The following UBA2 variants were observed in gnomAD, a reference collection of about 807,000 sequenced individuals.
UBA2 encodes the protein ubiquitin like modifier activating enzyme 2.
In UBA2, 11 loss-of-function variants were observed where a neutral mutation model predicts 77.2. The ratio of observed to expected loss-of-function variants is 0.14; its 90% CI spans 0.09 to 0.24. UBA2 has a LOEUF of 0.24. Among genes scored for constraint, UBA2 ranks in the 10% least tolerant of loss-of-function variants. UBA2 has a pLI of 1.00. For missense variants in UBA2, 487 were observed against 781.7 expected, an observed-to-expected ratio of 0.62 and a Z score of 4.50; for synonymous variants, 278 against 276.7, an observed-to-expected ratio of 1.00 and a Z score of -0.05.
In UBA2 at chr19:34,462,511, A is replaced by G. The variant is rs376604349; in HGVS notation, c.1499-1515A>G. Among the ~76,000 whole-genome samples, 7 of 152,334 alleles carry G rather than the reference A, an allele frequency of 4.6e-5. No homozygotes were observed. The South Asian group carries it at 6.2e-4, about 14-fold the overall frequency. ...CCAAGGGCATTCCTGGTAGATTAAA[A>G]TGGTAAAGCAAGCAACAGATCTGGA... is the stretch of plus-strand genomic sequence containing the variant. On this transcript the variant is annotated intron_variant, in intron 14 of 16. Coordinates refer to ENST00000246548, the MANE Select transcript of UBA2 (RefSeq NM_005499.3).
At chr19:34,428,617 G>T in intron 1 of UBA2, 47 bp downstream of exon 1, 1 of 1,293,630 alleles carries the variant, frequency 7.7e-7, no homozygotes. Context: ...TGGTGCGGGG[G>T]CTGGGATTCG....
At position 34,450,133 on chromosome 19, in the gene UBA2, G is replaced by A; in HGVS notation, c.772-132G>A. 5.0e-6 allele frequency: 3 copies of A among 596,124 alleles called. No individual in the cohort carries two copies. The South Asian group carries it at 5.9e-5, about 12-fold the overall frequency. 36.9% of individuals were successfully genotyped at this position (596,124 alleles called of 1,614,324 possible). A position where few individuals can be genotyped will look rare whatever the true frequency, so the allele number is the denominator to read the frequency against. On this transcript the variant is annotated intron_variant, in intron 8 of 16. Coordinates refer to ENST00000246548, the MANE Select transcript of UBA2 (RefSeq NM_005499.3). ...ACAAATGTTTTTCCTTTTGAAAATT[G>A]TTATGCTGCTGGTATATGACATGTA...
At chr19:34,443,729 T>A (rs746513470) in intron 6 of UBA2, 115 bp from the exon 7 acceptor site, 17 of 739,002 alleles carry the variant, frequency 2.3e-5, no homozygotes, top group African/African-American at 3.5e-5. Flanking sequence ...TGTGAGCCAC[T>A]GCGCCCAGCC....
At chr19:34,464,485 G>C (rs998909363) in intron 15 of UBA2, among the ~76,000 whole-genome samples, 4 of 151,742 alleles carry the variant, frequency 2.6e-5, no homozygotes, top group South Asian at 2.1e-4. Context: ...TTGAACCCGA[G>C]AGGTGGAGGT....
chr19:34,465,955 G>GCTT (rs2075682987), intron 15 of UBA2, among the ~76,000 whole-genome samples: 2 of 152,148 alleles, frequency 1.3e-5, no homozygotes, highest in Admixed American at 1.3e-4. Context: ...GGGAGTTCAT[G>GCTT]TACAGAAGCA....
intron 1 of UBA2, chr19:34,429,212 TCA>T: frequency 2.0e-6 from 2 of 985,402 alleles, no homozygotes; most frequent in Non-Finnish European, 1.2e-6. Context: ...GTCATTGCTC[TCA>T]CAGTAGACGG....
intron 15 of UBA2, among the ~76,000 whole-genome samples, chr19:34,465,906 G>C (rs532721687): frequency 1.3e-5 from 2 of 152,034 alleles, no homozygotes. Context: ...CCCTTAAAAC[G>C]TGTGTCTTTT....
At chr19:34,433,148 G>A (rs1260654037) in intron 3 of UBA2, 200 bp from the exon 4 acceptor site, 1 of 501,248 alleles carries the variant, frequency 2.0e-6, no homozygotes, top group Non-Finnish European at 3.5e-6. Flanking sequence ...TGGCCAAAAA[G>A]GATAGGAATT....
At chr19:34,450,428 A>G (rs1313057895) in intron 9 of UBA2, 64 bp downstream of exon 9, 12 of 1,150,538 alleles carry the variant, frequency 1.0e-5, no homozygotes, top group Admixed American at 2.6e-5. Flanking sequence ...AAGTCTTTGT[A>G]TAGCCCTGTT....
chr19:34,450,729 T>C (rs918245742), intron 9 of UBA2, among the ~76,000 whole-genome samples: 2 of 150,522 alleles, frequency 1.3e-5, no homozygotes, highest in Admixed American at 6.6e-5. Context: ...AATTGCTATA[T>C]ATTTATGTAT....
chr19:34,439,156 C>T (rs896991464), intron 6 of UBA2, among the ~76,000 whole-genome samples: 8 of 149,220 alleles, frequency 5.4e-5, no homozygotes, highest in East Asian at 4.0e-4. Context: ...TGGAGTGAGC[C>T]GAGATCGCGC....
At chr19:34,434,031 C>T (rs968801011) in intron 4 of UBA2, among the ~76,000 whole-genome samples, 3 of 151,246 alleles carry the variant, frequency 2.0e-5, no homozygotes, top group Non-Finnish European at 4.4e-5. Context: ...TAATTACTTC[C>T]ACATGTAAAA....
chr19:34,468,205 A>G (rs566927590), intron 16 of UBA2, among the ~76,000 whole-genome samples: 29 of 152,100 alleles, frequency 1.9e-4, no homozygotes, highest in African/African-American at 6.3e-4. Flanking sequence ...CTTTGACCCT[A>G]TGTCTGTGGC....
intron 5 of UBA2, among the ~76,000 whole-genome samples, chr19:34,438,242 A>T (rs891798948): frequency 6.6e-6 from 1 of 150,396 alleles, no homozygotes; most frequent in Non-Finnish European, 1.5e-5. Flanking sequence ...AAAAACACAT[A>T]TAAGAAAATG....
intron 6 of UBA2, among the ~76,000 whole-genome samples, chr19:34,441,119 A>G (rs2075364274): frequency 6.6e-6 from 1 of 152,218 alleles, no homozygotes; most frequent in Non-Finnish European, 1.5e-5. Flanking sequence ...GGTAAAATTT[A>G]GCAAATGGCC....
chr19:34,440,163 T>C (rs2145507287), intron 6 of UBA2, among the ~76,000 whole-genome samples: 1 of 151,894 alleles, frequency 6.6e-6, no homozygotes, highest in African/African-American at 2.4e-5. Flanking sequence ...GTCTCTACTA[T>C]AAATACAAAA....
intron 4 of UBA2, 143 bp downstream of exon 4, chr19:34,433,555 T>C (rs1472268807): frequency 1.6e-6 from 1 of 635,354 alleles, no homozygotes; most frequent in Non-Finnish European, 2.7e-6. Context: ...AGCATGCCCA[T>C]TGATTGCAGT....
intron 5 of UBA2, among the ~76,000 whole-genome samples, chr19:34,438,220 CA>C (rs35061343): frequency 0.71 from 95,192 of 133,946 alleles, 34,651 homozygotes; most frequent in Non-Finnish European, 0.83. Context: ...TAGTTTTGCT[CA>C]AAAAAAAAAA....
chr19:34,471,246 AATTC>A (rs1287697009), exon 17 of UBA2: 1 of 152,172 alleles, frequency 6.6e-6, no homozygotes, highest in African/African-American at 2.4e-5. Flanking sequence ...TTAAATTTCT[AATTC>A]ATGTATTGTT....
Sources: allele counts gnomAD v4.1 joint callset (sites outside exome capture counted in the v4.1 genomes callset), GRCh38; gene constraint gnomAD v4.1.1; transcripts MANE v1.5; gene names NCBI Gene and HGNC (gene_info 2026-07-23, HGNC 2026-07-21).